The following POC1A variants were observed in gnomAD, a reference collection of about 807,000 sequenced individuals.
The protein encoded by POC1A is POC1 centriolar protein homolog A.
In POC1A, 34 loss-of-function variants were observed where a neutral mutation model predicts 47.8. The observed-to-expected ratio is 0.71, with a 90% CI of 0.54 to 0.95. The LOEUF (loss-of-function observed/expected upper bound fraction) is 0.95, where lower values mean the gene tolerates loss of function less well. Ranked by LOEUF, POC1A falls within the 40% of genes least tolerant of loss-of-function variation. The pLI, the probability that POC1A is intolerant of heterozygous loss-of-function variation, is 0.00. For synonymous variants in POC1A, 177 were observed against 207.6 expected, an observed-to-expected ratio of 0.85 and a Z score of 1.27; for missense variants, 466 against 528.3, an observed-to-expected ratio of 0.88 and a Z score of 1.16.
chr3:52,085,221 T>TC (rs1702419839), intron 10 of POC1A, among the ~76,000 whole-genome samples: 1 of 152,170 alleles, frequency 6.6e-6, no homozygotes, highest in Admixed American at 6.5e-5. Flanking sequence ...AGGCACCCCA[T>TC]CCCCTGCCCC....
At position 52,122,607 on chromosome 3, in the gene POC1A, C is replaced by A. The variant is rs115285076; in HGVS notation, c.883-130G>T. On this transcript the variant is annotated intron_variant, in intron 8 of 10. Coordinates refer to ENST00000296484, the MANE Select transcript of POC1A (RefSeq NM_015426.5). The stretch of plus-strand genomic sequence containing the variant: ...GTGGGATAGTGGTCCCCACCTGACA[C>A]CCCAACTCAATTCCGGGACCTACCC... 5,942 of 657,406 alleles carry A rather than the reference C, an allele frequency of 9.0e-3. 44 individuals carry two copies. The highest frequency in any genetic ancestry group is 9.8e-3 in the Non-Finnish European group (3,587 of 364,732). 40.7% of individuals were successfully genotyped at this position (657,406 alleles called of 1,614,324 possible).
chr3:52,144,705 T>A (rs1437128965), intron 6 of POC1A, among the ~76,000 whole-genome samples: 1 of 152,082 alleles, frequency 6.6e-6, no homozygotes. Flanking sequence ...CTGCCCAATA[T>A]CACACAGCCA....
chr3:52,131,892 C>T (rs1239422847), intron 7 of POC1A, among the ~76,000 whole-genome samples: 1 of 152,124 alleles, frequency 6.6e-6, no homozygotes, highest in Non-Finnish European at 1.5e-5. Context: ...CAGCCCCATG[C>T]CAGAAATGGG....
At chr3:52,103,895 C>A (rs572674713) in intron 9 of POC1A, among the ~76,000 whole-genome samples, 1 of 152,166 alleles carries the variant, frequency 6.6e-6, no homozygotes, top group East Asian at 1.9e-4. Flanking sequence ...ACTGCTGGCA[C>A]GAACGTAAGA....
chr3:52,138,441 C>A, intron 6 of POC1A, 139 bp from the exon 7 acceptor site: 2 of 839,802 alleles, frequency 2.4e-6, no homozygotes, highest in Non-Finnish European at 3.7e-6. Context: ...CTCAGAAGAG[C>A]TGTGGGGAAC....
intron 10 of POC1A, among the ~76,000 whole-genome samples, chr3:52,094,373 T>C (rs977316683): frequency 1.3e-5 from 2 of 152,190 alleles, no homozygotes; most frequent in African/African-American, 4.8e-5. Context: ...GTCTGGACCA[T>C]CCAGAGCGGG....
intron 9 of POC1A, among the ~76,000 whole-genome samples, chr3:52,109,326 C>T (rs1392987605): frequency 1.3e-5 from 2 of 152,058 alleles, no homozygotes; most frequent in African/African-American, 2.4e-5. Context: ...ACCACTCAAA[C>T]TCTTCTTTAA....
At chr3:52,122,798 G>A (rs1703838039) in intron 8 of POC1A, among the ~76,000 whole-genome samples, 1 of 152,256 alleles carries the variant, frequency 6.6e-6, no homozygotes, top group African/African-American at 2.4e-5. Flanking sequence ...GCAGGCTGAA[G>A]TGTCTGCTTC....
At chr3:52,093,090 T>C (rs1391524185) in intron 10 of POC1A, among the ~76,000 whole-genome samples, 2 of 152,238 alleles carry the variant, frequency 1.3e-5, no homozygotes, top group African/African-American at 4.8e-5. Context: ...GCCTCGACTT[T>C]GCCTAGTGTC....
chr3:52,111,212 T>C (rs1365261159), intron 9 of POC1A, among the ~76,000 whole-genome samples: 2 of 152,230 alleles, frequency 1.3e-5, no homozygotes, highest in African/African-American at 4.8e-5. Context: ...GAAATTTTTC[T>C]AGTGACAGGA....
chr3:52,134,333 G>A (rs1482236806), intron 7 of POC1A, among the ~76,000 whole-genome samples: 2 of 152,190 alleles, frequency 1.3e-5, no homozygotes, highest in African/African-American at 4.8e-5. Flanking sequence ...AGATAAATAA[G>A]TAAATAAAAA....
At position 52,132,840 on chromosome 3, in the gene POC1A, T is replaced by C. The variant is rs1704276033; in HGVS notation, c.813+5329A>G. Among the ~76,000 whole-genome samples, 2 of 151,832 alleles carry C rather than the reference T, an allele frequency of 1.3e-5. 1 individual carries two copies. Among genetic ancestry groups the C allele is most frequent in the Admixed American group, 1.3e-4 (2 of 15,238 alleles). ...AAGGCAGATCACTTGAGGTCAGGAG[T>C]TCGAGACCAGCCTGGCCAACATGGT... On this transcript the variant is annotated intron_variant, in intron 7 of 10. Transcript: ENST00000296484.
At chr3:52,135,723 G>A (rs1400571931) in intron 7 of POC1A, among the ~76,000 whole-genome samples, 2 of 152,120 alleles carry the variant, frequency 1.3e-5, no homozygotes, top group South Asian at 2.1e-4. Flanking sequence ...TGCCCCATAC[G>A]TACTCACACA....
At chr3:52,138,383 A>G (rs1017772755) in intron 6 of POC1A, 81 bp from the exon 7 acceptor site, 2 of 1,450,536 alleles carry the variant, frequency 1.4e-6, no homozygotes, top group Admixed American at 2.0e-5. Flanking sequence ...ATCAGGGCCA[A>G]TCGAGGCTCA....
chr3:52,082,580 G>C (rs1483752900), intron 10 of POC1A, among the ~76,000 whole-genome samples: 1 of 152,166 alleles, frequency 6.6e-6, no homozygotes, highest in African/African-American at 2.4e-5. Flanking sequence ...GCTCAGGGGA[G>C]ACACTGTGAT....
chr3:52,113,607 C>T (rs1199204148), intron 9 of POC1A, among the ~76,000 whole-genome samples: 1 of 152,148 alleles, frequency 6.6e-6, no homozygotes, highest in African/African-American at 2.4e-5. Context: ...GTGGCTGAGA[C>T]AGGAGAATCG....
At chr3:52,149,041 T>C (rs1559853989) in intron 4 of POC1A, among the ~76,000 whole-genome samples, 169 bp downstream of exon 4, 1 of 152,176 alleles carries the variant, frequency 6.6e-6, no homozygotes, top group Non-Finnish European at 1.5e-5. Context: ...CAACTTACAA[T>C]GCAGGAGCTA....
intron 10 of POC1A, among the ~76,000 whole-genome samples, chr3:52,092,539 G>T (rs1024131902): frequency 6.6e-6 from 1 of 152,124 alleles, no homozygotes; most frequent in Non-Finnish European, 1.5e-5. Flanking sequence ...TGCCAGGTGG[G>T]AGGATAAAGT....
chr3:52,082,490 T>C (rs566356033), intron 10 of POC1A, among the ~76,000 whole-genome samples: 51 of 152,260 alleles, frequency 3.3e-4, no homozygotes, highest in African/African-American at 1.2e-3. Context: ...CCAGCCGTGA[T>C]TCATCCGCCT....
Sources: allele counts gnomAD v4.1 joint callset (sites outside exome capture counted in the v4.1 genomes callset), GRCh38; gene constraint gnomAD v4.1.1; transcripts MANE v1.5; gene names NCBI Gene and HGNC (gene_info 2026-07-23, HGNC 2026-07-21).